Variants in HUNK observed in about 807,000 individuals in gnomAD.
The protein encoded by HUNK is hormonally up-regulated Neu-associated kinase, also known as hormonally up-regulated neu tumor-associated kinase.
Under a neutral mutation model 61.0 loss-of-function variants are expected in HUNK, and 21 were observed. The observed-to-expected ratio is 0.34, with a 90% CI of 0.24 to 0.50. HUNK has a LOEUF of 0.50. Among genes scored for constraint, HUNK ranks in the 20% least tolerant of loss-of-function variants. HUNK has a pLI of 0.98. For missense variants in HUNK, 772 were observed against 945.7 expected, an observed-to-expected ratio of 0.82 and a Z score of 2.41; for synonymous variants, 371 against 386.1, an observed-to-expected ratio of 0.96 and a Z score of 0.46.
intron 5 of HUNK, among the ~76,000 whole-genome samples, chr21:31,963,613 C>T (rs1451887993): frequency 6.6e-6 from 1 of 152,194 alleles, no homozygotes; most frequent in Non-Finnish European, 1.5e-5. Flanking sequence ...CTTCCCGCCT[C>T]AGCCTCCCAA....
chr21:31,891,876 G>A (rs148307256), intron 1 of HUNK, among the ~76,000 whole-genome samples: 1 of 152,042 alleles, frequency 6.6e-6, no homozygotes, highest in African/African-American at 2.4e-5. Context: ...ATGATCAGTG[G>A]GTCCAGTGTT....
At chr21:31,957,906 C>T (rs1288271522) in intron 4 of HUNK, among the ~76,000 whole-genome samples, 3 of 152,122 alleles carry the variant, frequency 2.0e-5, no homozygotes, top group African/African-American at 7.2e-5. Context: ...AGCAAAACGC[C>T]AGGTTTTGTT....
intron 4 of HUNK, among the ~76,000 whole-genome samples, chr21:31,952,811 C>G (rs1416818686): frequency 6.9e-6 from 1 of 144,894 alleles, no homozygotes; most frequent in Admixed American, 7.4e-5. Context: ...TTCTTCTGTC[C>G]TGCGATAGCT....
chr21:31,948,964 C>T (rs2052829466), intron 4 of HUNK, among the ~76,000 whole-genome samples: 1 of 152,202 alleles, frequency 6.6e-6, no homozygotes, highest in Admixed American at 6.5e-5. Flanking sequence ...TGAAACACGT[C>T]AGGAATCAGC....
chr21:32,002,773 T>C lies in HUNK; in HGVS notation c.*3589T>C, dbSNP rs572530415. On this transcript the variant is annotated 3_prime_UTR_variant, in exon 11 of 11. Coordinates refer to ENST00000270112, the MANE Select transcript of HUNK (RefSeq NM_014586.2). ...TTCATAACTGTTCACAAAACGTTTT[T>C]CATATATACCACCTTGTTTCCCCTG... 1 of 152,308 alleles carries C rather than the reference T, an allele frequency of 6.6e-6. No individual in the cohort carries two copies. Among genetic ancestry groups the C allele is most frequent in the Non-Finnish European group, 1.5e-5 (1 of 68,038 alleles). 9.4% of individuals were successfully genotyped at this position (152,308 alleles called of 1,614,324 possible).
chr21:31,989,378 G>C (rs909174123), intron 8 of HUNK, among the ~76,000 whole-genome samples: 2 of 152,140 alleles, frequency 1.3e-5, no homozygotes, highest in African/African-American at 4.8e-5. Context: ...AAAAAATATA[G>C]TTCAGAATCA....
At chr21:31,881,043 G>C (rs963479815) in intron 1 of HUNK, among the ~76,000 whole-genome samples, 1 of 152,234 alleles carries the variant, frequency 6.6e-6, no homozygotes, top group African/African-American at 2.4e-5. Context: ...CCAGGCAAGG[G>C]GCATGGCCTC....
intron 2 of HUNK, among the ~76,000 whole-genome samples, chr21:31,936,451 A>G (rs2052734005): frequency 1.3e-5 from 2 of 152,192 alleles, no homozygotes; most frequent in Non-Finnish European, 1.5e-5. Context: ...TTGGACAGAG[A>G]CAGAAGTAGC....
At chr21:31,982,850 C>A (rs193221849) in intron 7 of HUNK, among the ~76,000 whole-genome samples, 1 of 152,242 alleles carries the variant, frequency 6.6e-6, no homozygotes, top group Non-Finnish European at 1.5e-5. Context: ...GTCACCCAGG[C>A]TGGAGTGCAA....
At chr21:31,911,030 C>A (rs1355079623) in intron 1 of HUNK, among the ~76,000 whole-genome samples, 3 of 152,180 alleles carry the variant, frequency 2.0e-5, no homozygotes, top group African/African-American at 7.2e-5. Flanking sequence ...CATGGAAGGT[C>A]AACTGTACAA....
chr21:31,898,028 G>C (rs988764954), intron 1 of HUNK, among the ~76,000 whole-genome samples: 11 of 152,206 alleles, frequency 7.2e-5, no homozygotes, highest in African/African-American at 2.7e-4. Flanking sequence ...GCATTGCAGA[G>C]ATACGACAGT....
intron 1 of HUNK, among the ~76,000 whole-genome samples, chr21:31,884,459 G>A (rs1165597490): frequency 1.3e-5 from 2 of 152,038 alleles, no homozygotes; most frequent in East Asian, 3.9e-4. Context: ...AGGCGTGGTG[G>A]TGGGCACCTG....
chr21:31,979,410 C>T (rs1428083221), intron 7 of HUNK, among the ~76,000 whole-genome samples: 2 of 147,738 alleles, frequency 1.4e-5, no homozygotes, highest in African/African-American at 5.0e-5. Context: ...AGCCACCGCG[C>T]CCGGCCCCTA....
chr21:31,916,985 C>G (rs2052587470), intron 1 of HUNK, among the ~76,000 whole-genome samples: 1 of 152,064 alleles, frequency 6.6e-6, no homozygotes, highest in South Asian at 2.1e-4. Context: ...CGGGTTTCCT[C>G]TCTTTCTGTC....
At chr21:31,909,854 T>G (rs913670424) in intron 1 of HUNK, among the ~76,000 whole-genome samples, 1 of 152,214 alleles carries the variant, frequency 6.6e-6, no homozygotes, top group African/African-American at 2.4e-5. Context: ...GAAGATGGCG[T>G]GAAACCAATT....
rs1428836004 is a variant in HUNK, at chr21:31,998,761, G to C, written c.1722G>C (p.Leu574=). ...ATCGCGACGACCACGTAGAAGTGCTGTCTCCCTCTCATCACTACAGGATTC... is the reference window on the plus strand; with the variant it reads ...ATCGCGACGACCACGTAGAAGTGCTCTCTCCCTCTCATCACTACAGGATTC... ...SVDRDDHVEV[L]SPSHHYRILN... Residue 574 remains leucine, a synonymous_variant, in exon 11 of 11, where the codon CTG becomes CTC. Coordinates refer to ENST00000270112, the MANE Select transcript of HUNK (RefSeq NM_014586.2). 1 of 1,614,152 alleles carries C rather than the reference G, an allele frequency of 6.2e-7. No individual in the cohort carries two copies. Among genetic ancestry groups the C allele is most frequent in the East Asian group, 2.2e-5 (1 of 44,860 alleles).
intron 6 of HUNK, among the ~76,000 whole-genome samples, chr21:31,971,971 G>C (rs1233466834): frequency 6.6e-6 from 1 of 152,038 alleles, no homozygotes; most frequent in Admixed American, 6.6e-5. Context: ...GGGACTACAG[G>C]CATGTGCTAC....
At chr21:31,915,771 A>G (rs913742963) in intron 1 of HUNK, among the ~76,000 whole-genome samples, 2 of 152,234 alleles carry the variant, frequency 1.3e-5, no homozygotes, top group African/African-American at 4.8e-5. Context: ...AAAGAAGATG[A>G]GAGACTCGCC....
chr21:31,890,988 T>C (rs1162541179), intron 1 of HUNK, among the ~76,000 whole-genome samples: 1 of 152,038 alleles, frequency 6.6e-6, no homozygotes, highest in African/African-American at 2.4e-5. Context: ...AAAAAAACTT[T>C]AGACAAATTA....
Sources: gnomAD v4.1 joint callset for allele counts (sites outside exome capture counted in the v4.1 genomes callset) on GRCh38, gnomAD v4.1.1 for gene constraint, MANE v1.5 for transcripts, NCBI Gene and HGNC (gene_info 2026-07-23, HGNC 2026-07-21) for gene names.